Variants in EFR3B observed in about 807,000 individuals in gnomAD.
EFR3B encodes protein EFR3 homolog B.
EFR3B carries 64 observed loss-of-function variants against 104.7 expected under a neutral mutation model. The ratio of observed to expected loss-of-function variants is 0.61; its 90% confidence interval spans 0.50 to 0.75. EFR3B has a LOEUF of 0.75. EFR3B is among the 30% of genes least tolerant of loss of function. EFR3B has a pLI of 0.00. For missense variants in EFR3B, 750 were observed against 1,078.5 expected (o/e 0.70, Z 4.27); for synonymous variants, 385 against 417.9 (o/e 0.92, Z 0.96).
chr2:25,145,133 G>A, intron 19 of EFR3B, 82 bp downstream of exon 19: 1 of 1,286,528 alleles, frequency 7.8e-7, no homozygotes, highest in Non-Finnish European at 1.1e-6. Flanking sequence ...TGCCTGCATA[G>A]TGGGCTTAAG....
intron 4 of EFR3B, among the ~76,000 whole-genome samples, chr2:25,108,890 C>T (rs1476324045): frequency 1.3e-5 from 2 of 152,004 alleles, no homozygotes; most frequent in African/African-American, 4.8e-5. Flanking sequence ...GCTGTAATCC[C>T]AGCTACTTGG....
intron 6 of EFR3B, among the ~76,000 whole-genome samples, chr2:25,128,934 C>T (rs1454511406): frequency 2.5e-5 from 3 of 119,166 alleles, no homozygotes; most frequent in East Asian, 5.2e-4. Flanking sequence ...CACTTACAGC[C>T]TGGGCGACGG....
chr2:25,059,700 G>A (rs928685541), intron 1 of EFR3B, among the ~76,000 whole-genome samples: 7 of 151,342 alleles, frequency 4.6e-5, no homozygotes, highest in African/African-American at 7.3e-5. Context: ...ACTTCATGCC[G>A]CTGAACTGCA....
chr2:25,090,985 G>A (rs1669096293), intron 1 of EFR3B, among the ~76,000 whole-genome samples: 1 of 152,142 alleles, frequency 6.6e-6, no homozygotes, highest in Non-Finnish European at 1.5e-5. Flanking sequence ...CAGTAGGCGG[G>A]CGCAGCACCT....
At chr2:25,106,942 C>T (rs981172481) in intron 4 of EFR3B, among the ~76,000 whole-genome samples, 12 of 151,962 alleles carry the variant, frequency 7.9e-5, no homozygotes, top group African/African-American at 2.9e-4. Context: ...GTTTTGCTGC[C>T]AGGAAATCAA....
intron 1 of EFR3B, among the ~76,000 whole-genome samples, chr2:25,043,836 AG>A (rs1251682970): frequency 6.6e-6 from 1 of 152,166 alleles, no homozygotes; most frequent in African/African-American, 2.4e-5. Flanking sequence ...ATTTGACAAA[AG>A]CATGTGACTG....
At chr2:25,140,271 C>T (rs1300095966) in intron 16 of EFR3B, among the ~76,000 whole-genome samples, 1 of 151,782 alleles carries the variant, frequency 6.6e-6, no homozygotes, top group Non-Finnish European at 1.5e-5. Context: ...TGCACCACTG[C>T]ACCCCAGCCT....
chr2:25,052,839 G>T (rs1464108372), intron 1 of EFR3B, among the ~76,000 whole-genome samples: 2 of 152,086 alleles, frequency 1.3e-5, no homozygotes, highest in Non-Finnish European at 2.9e-5. Context: ...TTTTTATGGG[G>T]ATAAATTTGT....
intron 1 of EFR3B, among the ~76,000 whole-genome samples, chr2:25,053,257 C>T (rs1215504666): frequency 6.6e-6 from 1 of 152,220 alleles, no homozygotes; most frequent in Non-Finnish European, 1.5e-5. Flanking sequence ...GCACCTTTCC[C>T]AGCTCCCTTA....
Position 25,148,895 on chromosome 2 carries a change from C to T in EFR3B, c.2143-799C>T, listed in dbSNP as rs1670923594. 3.0e-5 allele frequency among the ~76,000 whole-genome samples: 4 copies of T among 135,174 alleles called. No individual in the cohort carries two copies. The South Asian group carries it at 9.6e-4, about 32-fold the overall frequency. 88.7% of individuals were successfully genotyped at this position (135,174 alleles called of 152,430 possible). A position where few individuals can be genotyped will look rare whatever the true frequency, so the allele number is the denominator to read the frequency against. Reference sequence around the variant, plus strand: ...TGAGATCCCGCCACTGCACTCCAGCCTGGGTGACAGAGCGAGACTCCGTCT... The same window carrying T: ...TGAGATCCCGCCACTGCACTCCAGCTTGGGTGACAGAGCGAGACTCCGTCT... On this transcript the variant is annotated intron_variant, in intron 19 of 22. Transcript: ENST00000403714.
chr2:25,060,190 C>T (rs1332781264), intron 1 of EFR3B, among the ~76,000 whole-genome samples: 1 of 151,420 alleles, frequency 6.6e-6, no homozygotes, highest in Non-Finnish European at 1.5e-5. Context: ...AGCGAGACTC[C>T]GTCTCAAAAA....
chr2:25,150,904 C>T (rs1306375101), intron 20 of EFR3B, among the ~76,000 whole-genome samples: 1 of 152,104 alleles, frequency 6.6e-6, no homozygotes, highest in Admixed American at 6.5e-5. Flanking sequence ...ACCCACTGCA[C>T]CTGGCTATTT....
intron 1 of EFR3B, chr2:25,058,447 A>T (rs934944843): frequency 1.3e-5 from 2 of 152,198 alleles, no homozygotes; most frequent in African/African-American, 4.8e-5. Flanking sequence ...GATGGCTATT[A>T]TCAAAAAAAG....
chr2:25,046,776 T>C (rs1667732587), intron 1 of EFR3B, among the ~76,000 whole-genome samples: 1 of 152,128 alleles, frequency 6.6e-6, no homozygotes, highest in African/African-American at 2.4e-5. Context: ...GTGCTGGGAT[T>C]ACAGGCGTGA....
At chr2:25,096,980 AG>A (rs1189030334) in intron 3 of EFR3B, among the ~76,000 whole-genome samples, 1 of 152,232 alleles carries the variant, frequency 6.6e-6, no homozygotes, top group African/African-American at 2.4e-5. Flanking sequence ...GATTATATTA[AG>A]GGCCTTGACA....
At chr2:25,086,256 T>G (rs1340221857) in intron 1 of EFR3B, among the ~76,000 whole-genome samples, 2 of 152,226 alleles carry the variant, frequency 1.3e-5, no homozygotes, top group African/African-American at 4.8e-5. Context: ...AGACATAGTT[T>G]TCATTTCCTT....
chr2:25,068,817 G>C (rs1047067426), intron 1 of EFR3B, among the ~76,000 whole-genome samples: 1 of 151,752 alleles, frequency 6.6e-6, no homozygotes, highest in African/African-American at 2.4e-5. Flanking sequence ...TTTTAGTAGC[G>C]ATGGGGTTTC....
At chr2:25,070,507 C>T (rs1668464746) in intron 1 of EFR3B, among the ~76,000 whole-genome samples, 1 of 152,212 alleles carries the variant, frequency 6.6e-6, no homozygotes, top group South Asian at 2.1e-4. Context: ...AAGTGATCCA[C>T]CTGCCTCAGC....
intron 20 of EFR3B, among the ~76,000 whole-genome samples, chr2:25,150,319 A>AAAT (rs770923103): frequency 6.7e-6 from 1 of 149,188 alleles, no homozygotes; most frequent in Non-Finnish European, 1.5e-5. Context: ...AAAAAAAAAA[A>AAAT]GGCAATCAGT....
Sources: allele counts gnomAD v4.1 joint callset (sites outside exome capture counted in the v4.1 genomes callset), GRCh38; gene constraint gnomAD v4.1.1; transcripts MANE v1.5; gene names NCBI Gene and HGNC (gene_info 2026-07-23, HGNC 2026-07-21).